The following JAKMIP1 variants were observed in gnomAD, a reference collection of about 807,000 sequenced individuals.
JAKMIP1 encodes the protein janus kinase and microtubule-interacting protein 1.
In JAKMIP1, 33 loss-of-function variants were observed where a neutral mutation model predicts 113.0. The observed-to-expected ratio is 0.29, with a 90% CI of 0.22 to 0.39. The LOEUF is 0.39. Ranked by LOEUF, JAKMIP1 falls within the 10% of genes least tolerant of loss-of-function variation. The pLI is 1.00. For synonymous variants in JAKMIP1, 480 were observed against 459.9 expected (o/e 1.04, Z -0.56); for missense variants, 813 against 1,080.5 (o/e 0.75, Z 3.47).
intron 1 of JAKMIP1, among the ~76,000 whole-genome samples, chr4:6,121,167 T>C (rs1716659900): frequency 7.5e-6 from 1 of 133,456 alleles, no homozygotes; most frequent in Non-Finnish European, 1.5e-5. Flanking sequence ...ACCACTGAAC[T>C]CCAGCCTGGG....
At chr4:6,115,827 C>T (rs755778335) in intron 1 of JAKMIP1, among the ~76,000 whole-genome samples, 3 of 152,200 alleles carry the variant, frequency 2.0e-5, no homozygotes, top group African/African-American at 7.2e-5. Context: ...CCACCGGCCT[C>T]GCAGGCAGGA....
rs138947787 is a variant in JAKMIP1, at chr4:6,185,945, G to A, written c.-148+14308C>T. Among the ~76,000 whole-genome samples, 2,252 of 152,260 alleles carry A rather than the reference G, an allele frequency of 0.015. 18 individuals carry two copies. The highest frequency in any genetic ancestry group is 0.024 in the African/African-American group (995 of 41,550). ...TTAAATATGACACTAGTTCAGACTG[G>A]ACTTTTTTTTAATTACCTCAGTGTG... On this transcript the variant is annotated intron_variant, in intron 1 of 20. Transcript: ENST00000409021. This position sits in a 1 kb window ranked among gnomAD's most constrained non-coding sequence, Gnocchi z 5.3.
At chr4:6,160,153 T>G (rs1452365183) in intron 1 of JAKMIP1, among the ~76,000 whole-genome samples, 1 of 152,016 alleles carries the variant, frequency 6.6e-6, no homozygotes, top group African/African-American at 2.4e-5. Flanking sequence ...AGAGGGTAAG[T>G]TCAGGCCAAG....
Position 6,080,086 on chromosome 4 carries a change from C to T in JAKMIP1, c.1242+86G>A, listed in dbSNP as rs1720280734. On this transcript the variant is annotated intron_variant, in intron 7 of 20. Coordinates refer to ENST00000409021, the MANE Select transcript of JAKMIP1 (RefSeq NM_001099433.2). This position sits in a 1 kb window ranked among gnomAD's most constrained non-coding sequence, Gnocchi z 6.0. Reference sequence around the variant, plus strand: ...CCCTGACCCAGCTCAGCAGCATCACCCTGAGCCCCAACACCCGTTCCTGAC... The same window carrying T: ...CCCTGACCCAGCTCAGCAGCATCACTCTGAGCCCCAACACCCGTTCCTGAC... 1.6e-5 allele frequency: 23 copies of T among 1,449,508 alleles called. No homozygotes were observed. The highest frequency in any genetic ancestry group is 5.5e-5 in the South Asian group (4 of 72,606). The allele number at this position is 1,449,508 out of a possible 1,614,324, so 89.8% of individuals were successfully genotyped here. A position where few individuals can be genotyped will look rare whatever the true frequency, so the allele number is the denominator to read the frequency against.
Position 6,140,755 on chromosome 4 carries a change from C to T in JAKMIP1, c.-147-27758G>A, listed in dbSNP as rs765299910. On this transcript the variant is annotated intron_variant, in intron 1 of 20. Transcript: ENST00000409021. The surrounding 1 kb of genome is among the most constrained non-coding windows in gnomAD (Gnocchi z 9.4). Reference sequence around the variant, plus strand: ...TAACTTGGTAGAATAATATTTCTCTCGTCTGGTGTCATCCTTTGGGCAATA... The same window carrying T: ...TAACTTGGTAGAATAATATTTCTCTTGTCTGGTGTCATCCTTTGGGCAATA... Among the ~76,000 whole-genome samples, 18 of 152,096 alleles carry T rather than the reference C, an allele frequency of 1.2e-4. No homozygotes were observed. The highest frequency in any genetic ancestry group is 2.1e-4 in the Non-Finnish European group (14 of 68,018).
At position 6,186,178 on chromosome 4, in the gene JAKMIP1, G is replaced by A. The variant is rs1396227094; in HGVS notation, c.-148+14075C>T. ...AAGTGAGGGGAATGCAGGAACAGCCGACGAGGCTTCCCTGGAGCTTGCCAG... is the reference window on the plus strand; with the variant it reads ...AAGTGAGGGGAATGCAGGAACAGCCAACGAGGCTTCCCTGGAGCTTGCCAG... On this transcript the variant is annotated intron_variant, in intron 1 of 20. Coordinates refer to ENST00000409021, the MANE Select transcript of JAKMIP1 (RefSeq NM_001099433.2). The surrounding 1 kb of genome is among the most constrained non-coding windows in gnomAD (Gnocchi z 5.5). Among the ~76,000 whole-genome samples the A allele has an allele frequency of 6.6e-6, 1 of 152,176 alleles. No homozygotes were observed. Among genetic ancestry groups the A allele is most frequent in the African/African-American group, 2.4e-5 (1 of 41,452 alleles).
chr4:6,080,294 G>A lies in JAKMIP1; in HGVS notation c.1120C>T (p.Gln374Ter). The A allele has an allele frequency of 6.2e-7, 1 of 1,614,034 alleles. No individual in the cohort carries two copies. Among genetic ancestry groups the A allele is most frequent in the South Asian group, 1.1e-5 (1 of 91,056 alleles). Reference sequence around the variant, plus strand: ...GAGGTATGCCGCTTCAGAGACGCCTGCGCTGACAGCTTTTCTTTCTGCAGC... The same window carrying A: ...GAGGTATGCCGCTTCAGAGACGCCTACGCTGACAGCTTTTCTTTCTGCAGC... ...NVEMKEKLSA[Q>*]ASLKRHTSLN... is the part of the protein sequence containing the mutation. Residue 374 changes from glutamine (Q) to a stop codon, truncating the protein, a stop_gained, in exon 7 of 21, where the codon CAG becomes TAG. Coordinates refer to ENST00000409021, the MANE Select transcript of JAKMIP1 (RefSeq NM_001099433.2). LOFTEE classifies it high-confidence loss of function. The surrounding 1 kb of genome is among the most constrained non-coding windows in gnomAD (Gnocchi z 6.0).
At position 6,110,099 on chromosome 4, in the gene JAKMIP1, G is replaced by A. The variant is rs139998530; in HGVS notation, c.129+2623C>T. ...CAATACCACCTACTGTGCTGGCCTC[G>A]TGTGTGGGGCTAAACTGTGTCCCCC... is the stretch of plus-strand genomic sequence containing the variant. On this transcript the variant is annotated intron_variant, in intron 2 of 20. Transcript: ENST00000409021. Among the ~76,000 whole-genome samples, 18 of 152,304 alleles carry A rather than the reference G, an allele frequency of 1.2e-4. No individual in the cohort carries two copies. The East Asian group carries it at 1.4e-3, about 11-fold the overall frequency.
At chr4:6,070,897 TGA>T (rs1360511886) in intron 8 of JAKMIP1, among the ~76,000 whole-genome samples, 2 of 152,234 alleles carry the variant, frequency 1.3e-5, no homozygotes, top group African/African-American at 4.8e-5. Context: ...GGGATGTCTC[TGA>T]GAGTCTTCCA....
chr4:6,177,504 G>C (rs1026529322), intron 1 of JAKMIP1, among the ~76,000 whole-genome samples: 4 of 152,086 alleles, frequency 2.6e-5, no homozygotes, highest in Middle Eastern at 3.2e-3. Flanking sequence ...TCCTGGGAAG[G>C]GTGTAAGAGA....
intron 1 of JAKMIP1, among the ~76,000 whole-genome samples, chr4:6,121,959 G>A (rs113031220): frequency 6.6e-5 from 10 of 152,294 alleles, no homozygotes; most frequent in South Asian, 2.1e-4. Context: ...CAGTGTATAT[G>A]TACATATAAT....
chr4:6,056,563 G>A, intron 12 of JAKMIP1, 134 bp downstream of exon 12: 1 of 696,556 alleles, frequency 1.4e-6, no homozygotes, highest in South Asian at 1.6e-5. Context: ...CTCCTCATGG[G>A]AGGTGTGCAG....
At chr4:6,189,012 A>G (rs1578509698) in intron 1 of JAKMIP1, among the ~76,000 whole-genome samples, 1 of 152,168 alleles carries the variant, frequency 6.6e-6, no homozygotes, top group African/African-American at 2.4e-5. Context: ...AGGAAATCCA[A>G]TTACTGCCGG....
At chr4:6,134,516 G>T (rs1225374598) in intron 1 of JAKMIP1, among the ~76,000 whole-genome samples, 1 of 152,136 alleles carries the variant, frequency 6.6e-6, no homozygotes, top group Non-Finnish European at 1.5e-5. Flanking sequence ...TGCTTTAGCT[G>T]GCACCACTTC....
rs1048958315 is a variant in JAKMIP1, at chr4:6,199,566, C to T, written c.-148+687G>A. Among the ~76,000 whole-genome samples, 7 of 152,096 alleles carry T rather than the reference C, an allele frequency of 4.6e-5. No homozygotes were observed. Among genetic ancestry groups the T allele is most frequent in the African/African-American group, 1.7e-4 (7 of 41,460 alleles). Reference sequence around the variant, plus strand: ...CGGAGGCCAGTGCGCCCAGGGCGCGCCGGCCCGGCAGGAGGGTGGGTGCCA... The same window carrying T: ...CGGAGGCCAGTGCGCCCAGGGCGCGTCGGCCCGGCAGGAGGGTGGGTGCCA... On this transcript the variant is annotated intron_variant, in intron 1 of 20. Transcript: ENST00000409021. The surrounding 1 kb of genome is among the most constrained non-coding windows in gnomAD (Gnocchi z 5.6).
chr4:6,098,665 AG>A (rs1712365189), intron 3 of JAKMIP1, among the ~76,000 whole-genome samples: 1 of 103,254 alleles, frequency 9.7e-6, no homozygotes. Flanking sequence ...AAAGGAAGAA[AG>A]AGAGAGAAAG....
chr4:6,152,789 A>AATATATATATATATATAT (rs35192547), intron 1 of JAKMIP1, among the ~76,000 whole-genome samples: 29 of 135,246 alleles, frequency 2.1e-4, no homozygotes, highest in African/African-American at 7.2e-4. Flanking sequence ...TAAAAATACA[A>AATATATATATATATATAT]ATATATATAT....
chr4:6,036,471 G>T (rs1713456272), intron 18 of JAKMIP1, among the ~76,000 whole-genome samples: 3 of 152,172 alleles, frequency 2.0e-5, no homozygotes, highest in Admixed American at 2.0e-4. Context: ...TCCTCACCCT[G>T]GAAACAAATC....
rs952124362 is a variant in JAKMIP1, at chr4:6,155,193, T to C, written c.-147-42196A>G. 1.3e-5 allele frequency among the ~76,000 whole-genome samples: 2 copies of C among 152,072 alleles called. No individual in the cohort carries two copies. The highest frequency in any genetic ancestry group is 2.9e-5 in the Non-Finnish European group (2 of 68,008). On this transcript the variant is annotated intron_variant, in intron 1 of 20. Transcript: ENST00000409021. The surrounding 1 kb of genome is among the most constrained non-coding windows in gnomAD (Gnocchi z 6.1). ...CATGAATGCCTGGCTGGAGCTTCCC[T>C]CCGCAGTGACCCTGGTGTGCCCACG...
Sources: gnomAD v4.1 joint callset for allele counts (sites outside exome capture counted in the v4.1 genomes callset) on GRCh38, gnomAD v4.1.1 for gene constraint, Gnocchi (gnomAD v3.1) non-coding constraint, MANE v1.5 for transcripts, NCBI Gene and HGNC (gene_info 2026-07-23, HGNC 2026-07-21) for gene names.